Variants in IGSF11 observed in about 807,000 individuals in gnomAD.
IGSF11 encodes immunoglobulin superfamily member 11.
IGSF11 carries 22 observed loss-of-function variants against 41.0 expected under a neutral mutation model. The ratio of observed to expected loss-of-function variants is 0.54; its 90% CI spans 0.38 to 0.77. The LOEUF is 0.77. Among genes scored for constraint, IGSF11 ranks in the 30% least tolerant of loss-of-function variants. The probability of loss-of-function intolerance (pLI) is 0.00; values close to 1 mark genes in which losing one functional copy is unlikely to be tolerated. For missense variants in IGSF11, 444 were observed against 530.8 expected (o/e 0.84, Z 1.61); for synonymous variants, 219 against 201.3 (o/e 1.09, Z -0.74).
intron 1 of IGSF11, among the ~76,000 whole-genome samples, chr3:119,066,878 A>G (rs1009548310): frequency 6.6e-6 from 1 of 152,160 alleles, no homozygotes; most frequent in African/African-American, 2.4e-5. Context: ...TTTTAGTTTT[A>G]TACATCTATT....
intron 1 of IGSF11, among the ~76,000 whole-genome samples, chr3:119,032,386 T>C (rs1182253778): frequency 6.6e-6 from 1 of 152,204 alleles, no homozygotes; most frequent in East Asian, 1.9e-4. Context: ...TGGAGACAGG[T>C]ATGCTAGCAC....
rs72966878 is a variant in IGSF11 at position 118,923,864 on chromosome 3, G to T, written c.580+2237C>A. Among the ~76,000 whole-genome samples the T allele has an allele frequency of 5.0e-3, 761 of 152,282 alleles. 5 individuals are homozygous for T. The highest frequency in any genetic ancestry group is 0.017 in the African/African-American group (716 of 41,558). ...ATATATTAGGAGGTACGTGATAGCA[G>T]TTTGTCACAATATTGGTGAAGTTTA... On this transcript the variant is annotated intron_variant, in intron 4 of 6. Coordinates refer to ENST00000393775, the MANE Select transcript of IGSF11 (RefSeq NM_001015887.3).
chr3:119,131,797 G>A (rs61380119), intron 1 of IGSF11, among the ~76,000 whole-genome samples: 12,128 of 152,254 alleles, frequency 0.08, 642 homozygotes, highest in Admixed American at 0.16. Flanking sequence ...AGGGCAGCCA[G>A]AGAGGAAGAT....
upstream of IGSF11, chr3:119,105,274 A>T (rs891782120): frequency 1.5e-4 from 138 of 914,334 alleles, no homozygotes; most frequent in Non-Finnish European, 2.0e-4. Flanking sequence ...TTCATTTTTT[A>T]AAATTTTTAA....
At chr3:119,045,605 A>C (rs6772210) in intron 1 of IGSF11, among the ~76,000 whole-genome samples, 3 of 151,330 alleles carry the variant, frequency 2.0e-5, no homozygotes, top group Non-Finnish European at 2.9e-5. Context: ...TTAGGTAAAC[A>C]AAGCAGCCAA....
chr3:119,107,528 T>G (rs1202171573), upstream of IGSF11, among the ~76,000 whole-genome samples: 1 of 152,060 alleles, frequency 6.6e-6, no homozygotes, highest in Non-Finnish European at 1.5e-5. Flanking sequence ...TTTCTCCCAT[T>G]CTGTAGGTTG....
intron 4 of IGSF11, among the ~76,000 whole-genome samples, chr3:118,910,293 A>C (rs1445965565): frequency 6.6e-6 from 1 of 152,174 alleles, no homozygotes; most frequent in Non-Finnish European, 1.5e-5. Context: ...AAACTTCTAC[A>C]AATTTCTCTT....
rs74401095 is a variant in IGSF11, at chr3:118,937,401, T to A, written c.53-7126A>T. Reference sequence around the variant, plus strand: ...CCACAATTCTCTAGTGTTGTAGTAGTTTTTTAAACAAATCATTCTCCCTTC... The same window carrying A: ...CCACAATTCTCTAGTGTTGTAGTAGATTTTTAAACAAATCATTCTCCCTTC... On this transcript the variant is annotated intron_variant, in intron 1 of 6. Transcript: ENST00000393775. Among the ~76,000 whole-genome samples, 331 of 152,288 alleles carry A rather than the reference T, an allele frequency of 2.2e-3. 2 individuals carry two copies. The highest frequency in any genetic ancestry group is 1.0e-2 in the South Asian group (48 of 4,822).
rs115665356 is a variant in IGSF11, at chr3:118,934,515, C to T, written c.53-4240G>A. On this transcript the variant is annotated intron_variant, in intron 1 of 6. Coordinates refer to ENST00000393775, the MANE Select transcript of IGSF11 (RefSeq NM_001015887.3). The stretch of plus-strand genomic sequence containing the variant: ...TATCTCCCTACAGAATTTCACTTAC[C>T]ATCATGAATTCAATTCTCATATAAA... 1.1e-3 allele frequency among the ~76,000 whole-genome samples: 173 copies of T among 152,220 alleles called. 2 individuals are homozygous for T. The highest frequency in any genetic ancestry group is 4.1e-3 in the African/African-American group (172 of 41,532).
At chr3:119,135,346 A>G (rs1229719713) in intron 1 of IGSF11, among the ~76,000 whole-genome samples, 3 of 152,080 alleles carry the variant, frequency 2.0e-5, no homozygotes, top group Non-Finnish European at 1.5e-5. Context: ...AATCTACAAA[A>G]AACTCAAACA....
At chr3:119,097,867 T>C (rs1464890465) in intron 1 of IGSF11, among the ~76,000 whole-genome samples, 1 of 151,616 alleles carries the variant, frequency 6.6e-6, no homozygotes, top group Non-Finnish European at 1.5e-5. Flanking sequence ...CACAGCTTAC[T>C]GCAGCTTCAA....
At chr3:119,140,616 AG>A (rs201034806) in intron 1 of IGSF11, among the ~76,000 whole-genome samples, 30,300 of 152,236 alleles carry the variant, frequency 0.2, 3,291 homozygotes, top group South Asian at 0.29. Context: ...TAAATCAACT[AG>A]ACCTAACAGA....
intron 4 of IGSF11, among the ~76,000 whole-genome samples, chr3:118,924,186 T>C (rs1046445893): frequency 2.0e-5 from 3 of 152,140 alleles, no homozygotes; most frequent in African/African-American, 7.2e-5. Flanking sequence ...GTTTGAATTG[T>C]CCTAGATTTG....
intron 1 of IGSF11, among the ~76,000 whole-genome samples, chr3:118,973,448 A>T (rs1269612145): frequency 1.3e-5 from 2 of 152,202 alleles, no homozygotes; most frequent in Non-Finnish European, 2.9e-5. Flanking sequence ...GAAATTAAAC[A>T]AAGGAGTGAA....
At chr3:119,046,668 G>T (rs528759255) in intron 1 of IGSF11, among the ~76,000 whole-genome samples, 2 of 152,052 alleles carry the variant, frequency 1.3e-5, no homozygotes, top group Non-Finnish European at 2.9e-5. Context: ...TCCTCGAGAA[G>T]AGCAACTCCA....
chr3:118,946,789 T>C (rs1944177395), intron 1 of IGSF11, among the ~76,000 whole-genome samples: 1 of 152,222 alleles, frequency 6.6e-6, no homozygotes, highest in South Asian at 2.1e-4. Context: ...ACTGTTTCTT[T>C]ATTTTGGCTT....
chr3:119,138,395 A>G (rs1057329326), intron 1 of IGSF11, among the ~76,000 whole-genome samples: 4 of 152,190 alleles, frequency 2.6e-5, no homozygotes, highest in African/African-American at 9.7e-5. Context: ...GCCATAAAAA[A>G]CGAATGGGGC....
chr3:118,926,510 T>G (rs567038121), intron 3 of IGSF11, among the ~76,000 whole-genome samples: 47 of 152,314 alleles, frequency 3.1e-4, no homozygotes, highest in African/African-American at 9.4e-4. Context: ...TGATTATAGT[T>G]CCAAGGTATC....
chr3:118,913,789 T>C (rs1031978974), intron 4 of IGSF11, among the ~76,000 whole-genome samples: 11 of 151,826 alleles, frequency 7.2e-5, no homozygotes, highest in Non-Finnish European at 1.5e-4. Flanking sequence ...ATGATGAAAA[T>C]GGGGATGATT....
Sources: allele counts gnomAD v4.1 joint callset (sites outside exome capture counted in the v4.1 genomes callset), GRCh38; gene constraint gnomAD v4.1.1; transcripts MANE v1.5; gene names NCBI Gene and HGNC (gene_info 2026-07-23, HGNC 2026-07-21).